Variants in PCSK6 observed in about 807,000 individuals in gnomAD.
The protein encoded by PCSK6 is paired basic amino acid cleaving enzyme 4.
In PCSK6, 85 loss-of-function variants were observed where a neutral mutation model predicts 123.3. That is an observed-to-expected ratio of 0.69 (90% CI 0.58 to 0.83). The LOEUF (loss-of-function observed/expected upper bound fraction) is 0.83, where lower values mean the gene tolerates loss of function less well. PCSK6 is among the 40% of genes least tolerant of loss of function. PCSK6 has a pLI of 0.00. For missense variants in PCSK6, 1,191 were observed against 1,282.3 expected (o/e 0.93, Z 1.09); for synonymous variants, 508 against 516.0 (o/e 0.98, Z 0.21).
intron 1 of PCSK6, among the ~76,000 whole-genome samples, chr15:101,456,298 G>A (rs1485576173): frequency 1.3e-5 from 2 of 152,156 alleles, no homozygotes; most frequent in Non-Finnish European, 2.9e-5. Flanking sequence ...CACCCACAGT[G>A]ACGAGACTCT....
chr15:101,324,862 A>T lies in PCSK6; in HGVS notation c.2365T>A (p.Tyr789Asn), dbSNP rs768895282. Residue 789 changes from tyrosine (Y) to asparagine (N), a missense_variant, in exon 17 of 22, where the codon TAT becomes AAT. Tyr to Asn is a moderately radical substitution (Grantham distance 143). Transcript: ENST00000611716. The part of the protein sequence containing the change: ...TCVTLCPAGF[Y>N]ADESQKNCLK... ...ACAAGCCACTTACTTTCATCAGCATAAAATCCTGCAGGACAGAGGGTCACA... is the reference window on the plus strand; with the variant it reads ...ACAAGCCACTTACTTTCATCAGCATTAAATCCTGCAGGACAGAGGGTCACA... 19 of 1,612,422 alleles carry T rather than the reference A, an allele frequency of 1.2e-5. No homozygotes were observed. The highest frequency in any genetic ancestry group is 1.6e-5 in the Non-Finnish European group (19 of 1,179,102).
chr15:101,329,029 G>A (rs1332237858), intron 15 of PCSK6, among the ~76,000 whole-genome samples: 2 of 152,274 alleles, frequency 1.3e-5, no homozygotes, highest in African/African-American at 4.8e-5. Context: ...CTCAATTAGC[G>A]TGACAGTTCC....
At chr15:101,346,471 G>A (rs1375077885) in intron 13 of PCSK6, 1 of 177,408 alleles carries the variant, frequency 5.6e-6, no homozygotes, top group African/African-American at 2.3e-5. Context: ...TTAGGACTCT[G>A]TGAAATGTCA....
chr15:101,461,605 A>G (rs557694698), intron 1 of PCSK6, among the ~76,000 whole-genome samples: 6 of 152,242 alleles, frequency 3.9e-5, no homozygotes, highest in African/African-American at 1.2e-4. Context: ...CTAAAATATT[A>G]GAAAGCCAAA....
intron 8 of PCSK6, among the ~76,000 whole-genome samples, chr15:101,391,851 A>G (rs1209973951): frequency 6.6e-6 from 1 of 152,218 alleles, no homozygotes; most frequent in East Asian, 1.9e-4. Context: ...GACAAAGTAT[A>G]TTTTCTCTTT....
chr15:101,371,890 T>C (rs745674429), intron 11 of PCSK6, among the ~76,000 whole-genome samples: 1 of 152,200 alleles, frequency 6.6e-6, no homozygotes, highest in Non-Finnish European at 1.5e-5. Flanking sequence ...TGCCCTGTCA[T>C]GGAAATGGAC....
intron 11 of PCSK6, among the ~76,000 whole-genome samples, chr15:101,381,553 A>G (rs2041910708): frequency 6.6e-6 from 1 of 152,182 alleles, no homozygotes; most frequent in Non-Finnish European, 1.5e-5. Context: ...AAAGCCACAC[A>G]AAGCTGCTAT....
At chr15:101,479,199 T>C (rs1244240446) in intron 1 of PCSK6, among the ~76,000 whole-genome samples, 1 of 152,146 alleles carries the variant, frequency 6.6e-6, no homozygotes, top group African/African-American at 2.4e-5. Context: ...AGCAGCACTT[T>C]GGCTAATGCC....
chr15:101,469,359 G>A (rs1473190679), intron 1 of PCSK6, among the ~76,000 whole-genome samples: 2 of 152,210 alleles, frequency 1.3e-5, no homozygotes, highest in African/African-American at 4.8e-5. Flanking sequence ...AAATGCACGT[G>A]TGTAGAGAGC....
At chr15:101,466,299 AG>A (rs1277074978) in intron 1 of PCSK6, among the ~76,000 whole-genome samples, 1 of 152,202 alleles carries the variant, frequency 6.6e-6, no homozygotes, top group African/African-American at 2.4e-5. Flanking sequence ...ATTAGCCGTA[AG>A]GGAAATGCAA....
chr15:101,489,563 GGCGCCCCCC>G lies in PCSK6; in HGVS notation c.99_107del (p.Ala36_Gly38del), dbSNP rs572853288. ...CGAGCGGCCGGAACCCGGGCCCGCC[GGCGCCCCCC>G]GCGCCCCCCGCGCCCCCCGCGCCCG... On this transcript the variant is annotated inframe_deletion, in exon 1 of 22. Transcript: ENST00000611716. 36,522 of 968,060 alleles carry G rather than the reference GGCGCCCCCC, an allele frequency of 0.038. 2,163 individuals are homozygous for G. Among genetic ancestry groups the G allele is most frequent in the African/African-American group, 0.26 (14,183 of 55,208 alleles). 60.0% of individuals were successfully genotyped at this position (968,060 alleles called of 1,614,324 possible). A position where few individuals can be genotyped will look rare whatever the true frequency, so the allele number is the denominator to read the frequency against.
rs868403331 is a variant in PCSK6 at position 101,489,651 on chromosome 15, G to A, written c.20C>T (p.Pro7Leu). 3.9e-4 allele frequency: 382 copies of A among 976,890 alleles called. No individual in the cohort carries two copies. In the Middle Eastern group the frequency reaches 0.01, roughly 26 times the overall value. 60.5% of individuals were successfully genotyped at this position (976,890 alleles called of 1,614,324 possible). Residue 7 changes from proline (P) to leucine (L), a missense_variant, in exon 1 of 22, where the codon CCT (proline) becomes CTT (leucine). Pro to Leu is a moderately conservative substitution (Grantham distance 98). Coordinates refer to ENST00000611716, the MANE Select transcript of PCSK6 (RefSeq NM_002570.5). ...GGGCGGCGGCCGGGGCCCGGGCGCA[G>A]GCGGCGCGCGCGGAGGCATAGCGGC... MPPRAP[P>L]APGPRPPPRA...
chr15:101,313,698 C>T (rs756359833), intron 19 of PCSK6, 193 bp from the exon 20 acceptor site: 4 of 690,850 alleles, frequency 5.8e-6, no homozygotes, highest in Non-Finnish European at 9.3e-6. Flanking sequence ...TCGCCATCAC[C>T]ATTTCACAGA....
chr15:101,436,783 T>G (rs1056436213), intron 2 of PCSK6, among the ~76,000 whole-genome samples: 1 of 152,218 alleles, frequency 6.6e-6, no homozygotes, highest in Admixed American at 6.5e-5. Flanking sequence ...CCCATCAACC[T>G]TGACTGCTCT....
At chr15:101,317,368 T>C (rs552623300) in intron 19 of PCSK6, among the ~76,000 whole-genome samples, 1 of 152,354 alleles carries the variant, frequency 6.6e-6, no homozygotes, top group Non-Finnish European at 1.5e-5. Context: ...TTCAACTTAC[T>C]GTGCAAATAG....
At chr15:101,418,080 G>T (rs1311930498) in intron 6 of PCSK6, among the ~76,000 whole-genome samples, 2 of 152,078 alleles carry the variant, frequency 1.3e-5, no homozygotes, top group African/African-American at 4.8e-5. Context: ...ACGAGCATAT[G>T]ATATTGAATT....
chr15:101,447,585 T>C (rs2056923574), intron 1 of PCSK6, among the ~76,000 whole-genome samples: 1 of 152,236 alleles, frequency 6.6e-6, no homozygotes, highest in African/African-American at 2.4e-5. Flanking sequence ...TTAGGACCTC[T>C]TCAGGGTCAA....
At chr15:101,320,314 A>T (rs2040089873) in intron 18 of PCSK6, among the ~76,000 whole-genome samples, 1 of 152,108 alleles carries the variant, frequency 6.6e-6, no homozygotes. Context: ...TCGAACTCCT[A>T]GCCTCAAGTG....
chr15:101,480,921 C>T (rs1028766043), intron 1 of PCSK6, among the ~76,000 whole-genome samples: 3 of 151,646 alleles, frequency 2.0e-5, no homozygotes, highest in Non-Finnish European at 4.4e-5. Context: ...TTAAACAAAG[C>T]GCAGGTGCCT....
Sources: gnomAD v4.1 joint callset for allele counts (sites outside exome capture counted in the v4.1 genomes callset) on GRCh38, gnomAD v4.1.1 for gene constraint, MANE v1.5 for transcripts, NCBI Gene and HGNC (gene_info 2026-07-23, HGNC 2026-07-21) for gene names.